KDM2A: variants seen among roughly 807,000 people sequenced by gnomAD.
KDM2A encodes the protein lysine demethylase 2A, also known as lysine-specific demethylase 2A.
Under a neutral mutation model 137.3 loss-of-function variants are expected in KDM2A, and 3 were observed. That is an observed-to-expected ratio of 0.02 (90% CI 0.01 to 0.06). KDM2A has a LOEUF of 0.06. KDM2A is among the 10% of genes least tolerant of loss of function. KDM2A has a pLI of 1.00. For missense variants in KDM2A, 738 were observed against 1,510.6 expected (o/e 0.49, Z 8.48); for synonymous variants, 512 against 541.5 (o/e 0.95, Z 0.76).
At chr11:67,234,319 G>A (rs1024816787) in intron 12 of KDM2A, among the ~76,000 whole-genome samples, 1 of 152,174 alleles carries the variant, frequency 6.6e-6, no homozygotes, top group Non-Finnish European at 1.5e-5. Flanking sequence ...ACTTCAGTGG[G>A]GGACAAAGCT....
At chr11:67,176,201 A>G (rs1002175317) in intron 2 of KDM2A, among the ~76,000 whole-genome samples, 11 of 152,142 alleles carry the variant, frequency 7.2e-5, no homozygotes, top group Admixed American at 3.9e-4. Context: ...AAAACTTGTA[A>G]GTTGAATCTT....
rs960917454 is a variant in KDM2A at position 67,121,252 on chromosome 11, A to G, written c.-65A>G. On this transcript the variant is annotated 5_prime_UTR_variant, in exon 2 of 21. Coordinates refer to ENST00000529006, the MANE Select transcript of KDM2A (RefSeq NM_012308.3). ...TCTTTAGTGTTGCAATCTGGTTCCT[A>G]AGGAGGAAGAGGAAGGCAGCCCTGG... The G allele has an allele frequency of 4.0e-6, 5 of 1,254,264 alleles. No homozygotes were observed. The highest frequency in any genetic ancestry group is 1.9e-4 in the Middle Eastern group (1 of 5,344). 77.7% of individuals were successfully genotyped at this position (1,254,264 alleles called of 1,614,324 possible). A position where few individuals can be genotyped will look rare whatever the true frequency, so the allele number is the denominator to read the frequency against.
chr11:67,134,433 C>T (rs149108389), intron 2 of KDM2A, among the ~76,000 whole-genome samples: 3 of 152,308 alleles, frequency 2.0e-5, no homozygotes, highest in African/African-American at 7.2e-5. Context: ...GGGAAATACC[C>T]AGTAGATAGG....
chr11:67,181,843 T>C lies in KDM2A; in HGVS notation c.261-3T>C, dbSNP rs555338591. On this transcript the variant is annotated splice_region_variant and splice_polypyrimidine_tract_variant and intron_variant, in intron 4 of 20. Coordinates refer to ENST00000529006, the MANE Select transcript of KDM2A (RefSeq NM_012308.3). ...TATATACTTACTGGTGTTTGTTTCATAGAATGCCGGATCCAGACTTCACTG... is the reference window on the plus strand; with the variant it reads ...TATATACTTACTGGTGTTTGTTTCACAGAATGCCGGATCCAGACTTCACTG... 6.2e-6 allele frequency: 10 copies of C among 1,613,690 alleles called. No individual in the cohort carries two copies. Among genetic ancestry groups the C allele is most frequent in the African/African-American group, 2.7e-5 (2 of 75,050 alleles).
chr11:67,129,010 G>A (rs551124210), intron 2 of KDM2A, among the ~76,000 whole-genome samples: 20 of 152,240 alleles, frequency 1.3e-4, no homozygotes, highest in Non-Finnish European at 2.5e-4. Context: ...TTGAGCCCAG[G>A]GGCTTAAGGC....
intron 15 of KDM2A, among the ~76,000 whole-genome samples, chr11:67,246,913 A>G (rs1338023472): frequency 4.0e-5 from 6 of 151,408 alleles, no homozygotes; most frequent in Non-Finnish European, 8.8e-5. Context: ...GGCATTAAGC[A>G]TATGTTGAAT....
intron 2 of KDM2A, among the ~76,000 whole-genome samples, chr11:67,125,016 C>T (rs1009475568): frequency 2.2e-4 from 34 of 151,778 alleles, no homozygotes; most frequent in African/African-American, 8.0e-4. Flanking sequence ...CGCCGCCACA[C>T]CCGGCTAATT....
intron 9 of KDM2A, 70 bp downstream of exon 9, chr11:67,217,954 C>T: frequency 7.5e-7 from 1 of 1,334,026 alleles, no homozygotes; most frequent in Non-Finnish European, 1.0e-6. Flanking sequence ...TGATGGATTA[C>T]CACCAAGAAT....
intron 2 of KDM2A, among the ~76,000 whole-genome samples, chr11:67,121,828 T>C (rs4244819): frequency 0.27 from 41,713 of 152,110 alleles, 11,600 homozygotes; most frequent in African/African-American, 0.7. Context: ...TAAATTAACA[T>C]TTTGGTAGCT....
intron 10 of KDM2A, among the ~76,000 whole-genome samples, chr11:67,220,705 A>C (rs1858319129): frequency 6.6e-6 from 1 of 152,208 alleles, no homozygotes; most frequent in African/African-American, 2.4e-5. Flanking sequence ...ACCAGATAGT[A>C]AATATTTTAG....
intron 6 of KDM2A, among the ~76,000 whole-genome samples, chr11:67,213,730 G>T (rs1486626275): frequency 3.5e-5 from 5 of 143,984 alleles, no homozygotes. Context: ...CAACATTATA[G>T]CCTGGGTGAC....
At chr11:67,166,563 T>C (rs1451572866) in intron 2 of KDM2A, among the ~76,000 whole-genome samples, 2 of 152,084 alleles carry the variant, frequency 1.3e-5, no homozygotes, top group Non-Finnish European at 2.9e-5. Context: ...GGGGGTGCTT[T>C]AAAGATTACT....
At chr11:67,144,046 A>AT (rs1202394247) in intron 2 of KDM2A, among the ~76,000 whole-genome samples, 1 of 151,002 alleles carries the variant, frequency 6.6e-6, no homozygotes, top group Non-Finnish European at 1.5e-5. Flanking sequence ...GGTTCAAGCG[A>AT]TTCTCCTGCC....
At chr11:67,123,542 G>T (rs2136276170) in intron 2 of KDM2A, among the ~76,000 whole-genome samples, 1 of 152,126 alleles carries the variant, frequency 6.6e-6, no homozygotes, top group African/African-American at 2.4e-5. Flanking sequence ...AAGAGATGAT[G>T]CCATAAAACT....
chr11:67,205,424 T>A (rs528271949), intron 5 of KDM2A, among the ~76,000 whole-genome samples: 5 of 152,242 alleles, frequency 3.3e-5, no homozygotes, highest in African/African-American at 1.2e-4. Context: ...TATCAGGTTC[T>A]AATGCTACCT....
chr11:67,131,801 TCAAA>T (rs1413219395), intron 2 of KDM2A, among the ~76,000 whole-genome samples: 7 of 152,214 alleles, frequency 4.6e-5, no homozygotes, highest in Non-Finnish European at 7.3e-5. Context: ...TGATTATGTT[TCAAA>T]CAAAGATGGC....
At position 67,245,038 on chromosome 11, in the gene KDM2A, G is replaced by T; in HGVS notation, c.1564-151G>T. The T allele has an allele frequency of 1.3e-6, 1 of 759,440 alleles. No homozygotes were observed. The highest frequency in any genetic ancestry group is 2.2e-6 in the Non-Finnish European group (1 of 464,400). 47.0% of individuals were successfully genotyped at this position (759,440 alleles called of 1,614,324 possible). A position where few individuals can be genotyped will look rare whatever the true frequency, so the allele number is the denominator to read the frequency against. On this transcript the variant is annotated intron_variant, in intron 13 of 20. Transcript: ENST00000529006. The surrounding 1 kb of genome is among the most constrained non-coding windows in gnomAD (Gnocchi z 4.1). ...ATAATACATACACAAGATGAGTTGTGTGTCAATAAAATTTATTCTAGAAAC... is the reference window on the plus strand; with the variant it reads ...ATAATACATACACAAGATGAGTTGTTTGTCAATAAAATTTATTCTAGAAAC...
At chr11:67,253,805 G>C (rs990622637) in intron 19 of KDM2A, among the ~76,000 whole-genome samples, 194 bp downstream of exon 19, 2 of 152,198 alleles carry the variant, frequency 1.3e-5, no homozygotes, top group African/African-American at 4.8e-5. Flanking sequence ...ACAAACAATG[G>C]AGTAAGTCCA....
At chr11:67,244,502 A>G (rs1396760274) in intron 13 of KDM2A, among the ~76,000 whole-genome samples, 1 of 151,916 alleles carries the variant, frequency 6.6e-6, no homozygotes, top group East Asian at 1.9e-4. Context: ...ATGGCACTTG[A>G]TACAGAAAGC....
Sources: gnomAD v4.1 joint callset for allele counts (sites outside exome capture counted in the v4.1 genomes callset) on GRCh38, gnomAD v4.1.1 for gene constraint, Gnocchi (gnomAD v3.1) non-coding constraint, MANE v1.5 for transcripts, NCBI Gene and HGNC (gene_info 2026-07-23, HGNC 2026-07-21) for gene names.